Variants in SLC8A3 observed in about 807,000 individuals in gnomAD.
The protein encoded by SLC8A3 is solute carrier family 8 member A3.
SLC8A3 carries 37 observed loss-of-function variants against 65.4 expected under a neutral mutation model. The observed-to-expected ratio is 0.57, with a 90% confidence interval of 0.44 to 0.74. The LOEUF (loss-of-function observed/expected upper bound fraction) is 0.74, where lower values mean the gene tolerates loss of function less well. Among genes scored for constraint, SLC8A3 ranks in the 30% least tolerant of loss-of-function variants. The pLI, the probability that SLC8A3 is intolerant of heterozygous loss-of-function variation, is 0.00. For synonymous variants in SLC8A3, 461 were observed against 444.5 expected, an observed-to-expected ratio of 1.04 and a Z score of -0.47; for missense variants, 1,112 against 1,172.1, an observed-to-expected ratio of 0.95 and a Z score of 0.75.
Position 70,168,298 on chromosome 14 carries a change from C to T in SLC8A3, c.125G>A (p.Gly42Glu). ...AGGSGDVPST[G>E]QNNESCSGSS... ...CCCTGAACAGGACTCATTGTTCTGC[C>T]CTGTGCTTGGCACGTCCCCTGAGCC... is the stretch of plus-strand genomic sequence containing the variant. The change falls in exon 2 of 7, where the codon GGG becomes GAG. Residue 42 changes from glycine to glutamate, a missense_variant. Physicochemically the swap from Gly to Glu is moderately conservative, Grantham distance 98 (BLOSUM62 -2). Coordinates refer to ENST00000356921, the MANE Select transcript of SLC8A3 (RefSeq NM_182932.3). 1 of 1,614,108 alleles carries T rather than the reference C, an allele frequency of 6.2e-7. No homozygotes were observed. The highest frequency in any genetic ancestry group is 1.3e-5 in the African/African-American group (1 of 75,026).
intron 2 of SLC8A3, among the ~76,000 whole-genome samples, chr14:70,071,919 A>C (rs766496979): frequency 6.6e-6 from 1 of 152,144 alleles, no homozygotes; most frequent in Non-Finnish European, 1.5e-5. Flanking sequence ...GAGAACGTGC[A>C]CAGACTCCCC....
chr14:70,166,892 C>A lies in SLC8A3; in HGVS notation c.1531G>T (p.Ala511Ser), dbSNP rs1897195244. 6.2e-7 allele frequency: 1 copy of A among 1,614,186 alleles called. No individual in the cohort carries two copies. The highest frequency in any genetic ancestry group is 8.5e-7 in the Non-Finnish European group (1 of 1,180,028). ...AIFNSLPLPR[A>S]VLASPCVATV... ...GCCACACAAGGGGAGGCTAGGACAGCCCGAGGCAAGGGAAGACTGTTGAAT... is the reference window on the plus strand; with the variant it reads ...GCCACACAAGGGGAGGCTAGGACAGACCGAGGCAAGGGAAGACTGTTGAAT... The change falls in exon 2 of 7, where the codon GCT becomes TCT. Residue 511 changes from alanine to serine, a missense_variant. Physicochemically the swap from Ala to Ser is moderately conservative, Grantham distance 99. Transcript: ENST00000356921.
At chr14:70,105,582 A>G (rs1683265809) in intron 2 of SLC8A3, among the ~76,000 whole-genome samples, 1 of 152,196 alleles carries the variant, frequency 6.6e-6, no homozygotes, top group Non-Finnish European at 1.5e-5. Flanking sequence ...GTATTAAAGA[A>G]ATTGCATTAT....
At chr14:70,141,611 T>C (rs1326832623) in intron 2 of SLC8A3, among the ~76,000 whole-genome samples, 1 of 152,208 alleles carries the variant, frequency 6.6e-6, no homozygotes, top group Non-Finnish European at 1.5e-5. Context: ...ATCTCTTCAG[T>C]AGGACAAAAG....
Position 70,167,803 on chromosome 14 carries a change from G to A in SLC8A3, c.620C>T (p.Ala207Val). The A allele has an allele frequency of 6.2e-7, 1 of 1,614,156 alleles. No individual in the cohort carries two copies. The highest frequency in any genetic ancestry group is 1.1e-5 in the South Asian group (1 of 91,076). ...IKHLRVFFIT[A>V]AWSIFAYIWL... ...GATGTAGGCAAAGATACTCCAAGCA[G>A]CGGTGATGAAGAAGACTCGTAGATG... The change falls in exon 2 of 7, where the codon GCT becomes GTT. Residue 207 changes from alanine (A) to valine (V), a missense_variant. Transcript: ENST00000356921.
chr14:70,120,353 G>A (rs112579588), intron 2 of SLC8A3, among the ~76,000 whole-genome samples: 30 of 152,294 alleles, frequency 2.0e-4, no homozygotes, highest in African/African-American at 6.7e-4. Flanking sequence ...GTGACTCTTG[G>A]TTACAACTTC....
intron 1 of SLC8A3, among the ~76,000 whole-genome samples, chr14:70,184,175 G>A (rs572951551): frequency 1.5e-4 from 23 of 152,106 alleles, no homozygotes; most frequent in African/African-American, 5.3e-4. Context: ...AGAAACCCCC[G>A]CCCTCACCTT....
At chr14:70,113,793 G>A (rs1456292634) in intron 2 of SLC8A3, among the ~76,000 whole-genome samples, 2 of 152,178 alleles carry the variant, frequency 1.3e-5, no homozygotes, top group Non-Finnish European at 2.9e-5. Context: ...CTGTGCTGAA[G>A]GAAGCTACAA....
At chr14:70,078,802 G>A (rs1890770629) in intron 2 of SLC8A3, among the ~76,000 whole-genome samples, 1 of 152,136 alleles carries the variant, frequency 6.6e-6, no homozygotes, top group African/African-American at 2.4e-5. Context: ...GCTATTAGAT[G>A]GATTTCATGA....
intron 2 of SLC8A3, among the ~76,000 whole-genome samples, chr14:70,165,680 GA>G (rs1254852848): frequency 1.3e-5 from 2 of 152,128 alleles, no homozygotes; most frequent in African/African-American, 4.8e-5. Flanking sequence ...TATCCAACTG[GA>G]AAAAGGACAG....
At chr14:70,122,034 G>C (rs940151150) in intron 2 of SLC8A3, among the ~76,000 whole-genome samples, 2 of 152,050 alleles carry the variant, frequency 1.3e-5, no homozygotes, top group Non-Finnish European at 2.9e-5. Context: ...TAGGAGGCGA[G>C]CTTCCTCATC....
At chr14:70,147,415 C>T (rs1003178294) in intron 2 of SLC8A3, among the ~76,000 whole-genome samples, 2 of 152,206 alleles carry the variant, frequency 1.3e-5, no homozygotes, top group Non-Finnish European at 2.9e-5. Context: ...GATTCCTTCT[C>T]TCCGCAAGAA....
At chr14:70,065,308 G>T (rs1006286281) in intron 2 of SLC8A3, among the ~76,000 whole-genome samples, 2 of 152,098 alleles carry the variant, frequency 1.3e-5, no homozygotes, top group Non-Finnish European at 2.9e-5. Context: ...CTGGTCCTTT[G>T]CTCCTGAAGT....
intron 1 of SLC8A3, among the ~76,000 whole-genome samples, chr14:70,173,575 A>C (rs1355617414): frequency 2.6e-5 from 4 of 152,168 alleles, no homozygotes; most frequent in Non-Finnish European, 5.9e-5. Flanking sequence ...CCCTCCTGCT[A>C]TGCCCTCCAC....
At chr14:70,100,726 C>T (rs7159839) in intron 2 of SLC8A3, among the ~76,000 whole-genome samples, 2,955 of 152,274 alleles carry the variant, frequency 0.019, 90 homozygotes, top group African/African-American at 0.066. Flanking sequence ...ATACTTTGCA[C>T]ACATTTTGCC....
intron 2 of SLC8A3, among the ~76,000 whole-genome samples, chr14:70,084,834 T>C (rs571132508): frequency 4.6e-5 from 7 of 152,292 alleles, no homozygotes; most frequent in African/African-American, 1.7e-4. Context: ...TAGAATTCTG[T>C]TTCCCAAATG....
chr14:70,075,154 C>T (rs1476234594), intron 2 of SLC8A3, among the ~76,000 whole-genome samples: 2 of 151,822 alleles, frequency 1.3e-5, no homozygotes, highest in African/African-American at 4.8e-5. Flanking sequence ...CATGTGTGTG[C>T]GTGCGTGTGT....
chr14:70,063,690 C>A, intron 2 of SLC8A3: 3 of 612,528 alleles, frequency 4.9e-6, no homozygotes, highest in Non-Finnish European at 8.8e-6. Flanking sequence ...GGAGAGAGAG[C>A]AAGAGAGGAG....
At chr14:70,055,672 A>T (rs1888026056) in intron 3 of SLC8A3, 1 of 742,992 alleles carries the variant, frequency 1.3e-6, no homozygotes, top group Non-Finnish European at 2.2e-6. Flanking sequence ...AGTCCTTGGG[A>T]GAAATTGTCA....
Sources: allele counts gnomAD v4.1 joint callset (sites outside exome capture counted in the v4.1 genomes callset), GRCh38; gene constraint gnomAD v4.1.1; transcripts MANE v1.5; gene names NCBI Gene and HGNC (gene_info 2026-07-23, HGNC 2026-07-21).